The following CLASP1 variants were observed in gnomAD, a reference collection of about 807,000 sequenced individuals.
CLASP1 encodes cytoplasmic linker associated protein 1.
CLASP1 carries 38 observed loss-of-function variants against 192.3 expected under a neutral mutation model. The observed-to-expected ratio is 0.20, with a 90% CI of 0.15 to 0.26. The LOEUF (loss-of-function observed/expected upper bound fraction) is 0.26, where lower values mean the gene tolerates loss of function less well. Among genes scored for constraint, CLASP1 ranks in the 10% least tolerant of loss-of-function variants. The pLI is 1.00. For missense variants in CLASP1, 1,433 were observed against 1,932.5 expected (o/e 0.74, Z 4.85); for synonymous variants, 691 against 712.8 (o/e 0.97, Z 0.49).
chr2:121,406,884 T>A (rs1232003241), intron 25 of CLASP1, among the ~76,000 whole-genome samples: 1 of 151,836 alleles, frequency 6.6e-6, no homozygotes, highest in East Asian at 2.0e-4. Flanking sequence ...AGCCACTGTG[T>A]CCACCCTACA....
intron 7 of CLASP1, among the ~76,000 whole-genome samples, chr2:121,513,413 G>A (rs1467257107): frequency 2.6e-5 from 4 of 152,002 alleles, no homozygotes; most frequent in African/African-American, 9.7e-5. Context: ...AAGTTCTTTT[G>A]TAGCGCCTTT....
intron 21 of CLASP1, among the ~76,000 whole-genome samples, chr2:121,426,488 ACAGAG>A (rs1456675917): frequency 1.3e-5 from 2 of 152,226 alleles, no homozygotes; most frequent in Non-Finnish European, 2.9e-5. Flanking sequence ...ACAGAAATTG[ACAGAG>A]CAGTCAAAAT....
intron 1 of CLASP1, among the ~76,000 whole-genome samples, chr2:121,632,892 A>G (rs112638654): frequency 0.23 from 34,472 of 148,516 alleles, 6,198 homozygotes; most frequent in African/African-American, 0.5. Context: ...GTGAAACTCC[A>G]TCTCAGAAAA....
chr2:121,407,581 C>T, exon 25 of CLASP1: 1 of 1,614,024 alleles, frequency 6.2e-7, no homozygotes, highest in Non-Finnish European at 8.5e-7. Context: ...CATCCTCAGT[C>T]TGCCGCAGAT....
Position 121,470,017 on chromosome 2 carries a change from A to G in CLASP1, c.713-57T>C, listed in dbSNP as rs564850779. ...TTAAAAACAAAAACTATATATACAT[A>G]TATATATACTTTTTCACCTGATTAT... On this transcript the variant is annotated intron_variant, in intron 8 of 39. Transcript: ENST00000263710. The G allele has an allele frequency of 1.8e-4, 220 of 1,250,126 alleles. No homozygotes were observed. In the African/African-American group the frequency reaches 2.4e-3, roughly 14 times the overall value. 77.4% of individuals were successfully genotyped at this position (1,250,126 alleles called of 1,614,324 possible).
chr2:121,456,088 A>G (rs953310456), intron 14 of CLASP1, among the ~76,000 whole-genome samples: 2 of 152,204 alleles, frequency 1.3e-5, no homozygotes, highest in South Asian at 2.1e-4. Context: ...CCACAAAAAA[A>G]TAAGTATGTG....
rs142637522 is a variant in CLASP1, at chr2:121,517,291, T to C, written c.547-1529A>G. ...TTAATTCAGTAAGCAAAGATGGGAG[T>C]ACAACATCAAGGTAGTGGAGAATGA... On this transcript the variant is annotated intron_variant, in intron 6 of 39. Transcript: ENST00000263710. Among the ~76,000 whole-genome samples, 35 of 152,130 alleles carry C rather than the reference T, an allele frequency of 2.3e-4. No homozygotes were observed. In the East Asian group the frequency reaches 3.9e-3, roughly 17 times the overall value.
chr2:121,496,703 G>A (rs1263221826), intron 8 of CLASP1, among the ~76,000 whole-genome samples: 1 of 152,170 alleles, frequency 6.6e-6, no homozygotes, highest in Non-Finnish European at 1.5e-5. Context: ...GAGGGTTACA[G>A]TCCAATGCCG....
intron 30 of CLASP1, among the ~76,000 whole-genome samples, chr2:121,392,918 C>G (rs765900594): frequency 6.6e-6 from 1 of 152,128 alleles, no homozygotes; most frequent in Admixed American, 6.5e-5. Flanking sequence ...GGTAAGCACA[C>G]CTCACTCACT....
At chr2:121,498,568 C>T (rs920667089) in intron 8 of CLASP1, among the ~76,000 whole-genome samples, 2 of 152,120 alleles carry the variant, frequency 1.3e-5, no homozygotes, top group African/African-American at 4.8e-5. Flanking sequence ...AATTGGACTT[C>T]ATCAAAATTT....
chr2:121,463,393 AG>A (rs1195926171), intron 9 of CLASP1, among the ~76,000 whole-genome samples: 1 of 152,188 alleles, frequency 6.6e-6, no homozygotes, highest in Non-Finnish European at 1.5e-5. Flanking sequence ...CCAGACAGAA[AG>A]GGGCTTTAAA....
rs556200576 is a variant in CLASP1 at position 121,379,406 on chromosome 2, C to T, written c.3492-1757G>A. Among the ~76,000 whole-genome samples, 86 of 152,256 alleles carry T rather than the reference C, an allele frequency of 5.6e-4. No homozygotes were observed. In the South Asian group the frequency reaches 0.017, roughly 30 times the overall value. ...GCTGTCTGTCAAAGAGGCAACACTCCTTAGATGTGAGAAAGGCATGACCAA... is the reference window on the plus strand; with the variant it reads ...GCTGTCTGTCAAAGAGGCAACACTCTTTAGATGTGAGAAAGGCATGACCAA... On this transcript the variant is annotated intron_variant, in intron 33 of 39. Coordinates refer to ENST00000263710, the Ensembl canonical transcript of CLASP1.
intron 9 of CLASP1, among the ~76,000 whole-genome samples, chr2:121,465,865 C>G (rs1575125817): frequency 6.6e-6 from 1 of 152,064 alleles, no homozygotes; most frequent in Non-Finnish European, 1.5e-5. Flanking sequence ...GAAATAACGC[C>G]GCATATCTAC....
chr2:121,643,883 A>G (rs1451961402), intron 1 of CLASP1, among the ~76,000 whole-genome samples: 2 of 152,212 alleles, frequency 1.3e-5, no homozygotes, highest in African/African-American at 2.4e-5. Flanking sequence ...AAAGGCTGTT[A>G]AAACTGTGGC....
At chr2:121,519,364 A>T (rs2094404375) in intron 6 of CLASP1, among the ~76,000 whole-genome samples, 1 of 152,212 alleles carries the variant, frequency 6.6e-6, no homozygotes, top group Admixed American at 6.5e-5. Flanking sequence ...GCAGGGTGAC[A>T]AATGGCACTG....
chr2:121,478,988 CA>C (rs2092311125), intron 8 of CLASP1, among the ~76,000 whole-genome samples: 1 of 91,206 alleles, frequency 1.1e-5, no homozygotes, highest in African/African-American at 4.9e-5. Flanking sequence ...ACACACCACA[CA>C]CCCCACACAC....
At chr2:121,572,392 C>A (rs1286525156) in intron 2 of CLASP1, among the ~76,000 whole-genome samples, 2 of 152,310 alleles carry the variant, frequency 1.3e-5, no homozygotes, top group Non-Finnish European at 2.9e-5. Flanking sequence ...TGCACCAATG[C>A]ACTCCAGCCT....
chr2:121,408,657 T>C (rs2077256875), intron 24 of CLASP1, among the ~76,000 whole-genome samples: 1 of 152,216 alleles, frequency 6.6e-6, no homozygotes, highest in South Asian at 2.1e-4. Flanking sequence ...CATTTTTGTT[T>C]GGATAATAAA....
chr2:121,410,123 C>G (rs931897323), intron 24 of CLASP1, among the ~76,000 whole-genome samples: 1 of 152,166 alleles, frequency 6.6e-6, no homozygotes, highest in Non-Finnish European at 1.5e-5. Context: ...ACAGCAAGAG[C>G]AAGGCCAGTG....
Sources: allele counts gnomAD v4.1 joint callset (sites outside exome capture counted in the v4.1 genomes callset), GRCh38; gene constraint gnomAD v4.1.1; transcripts MANE v1.5; gene names NCBI Gene and HGNC (gene_info 2026-07-23, HGNC 2026-07-21).